NAALADL2: variants seen among roughly 807,000 people sequenced by gnomAD.
NAALADL2 encodes the protein inactive N-acetylated-alpha-linked acidic dipeptidase-like protein 2.
A neutral mutation model predicts 87.2 loss-of-function variants in NAALADL2; 76 were observed. The observed-to-expected ratio is 0.87, with a 90% CI of 0.72 to 1.05. NAALADL2 has a LOEUF of 1.05. NAALADL2 is among the 50% of genes least tolerant of loss of function. The pLI is 0.00. For missense variants in NAALADL2, 1,089 were observed against 945.8 expected (o/e 1.15, Z -1.99); for synonymous variants, 354 against 331.0 (o/e 1.07, Z -0.75).
At chr3:174,628,243 C>T (rs1420752002) in intron 2 of NAALADL2, among the ~76,000 whole-genome samples, 2 of 151,772 alleles carry the variant, frequency 1.3e-5, no homozygotes, top group Admixed American at 6.6e-5. Flanking sequence ...TTTGGGAGAC[C>T]GAGGCGGGCG....
chr3:174,664,592 A>T (rs1422418486), intron 2 of NAALADL2, among the ~76,000 whole-genome samples: 1 of 152,116 alleles, frequency 6.6e-6, no homozygotes, highest in Non-Finnish European at 1.5e-5. Context: ...TAAATACATT[A>T]TGTGTTTTTA....
intron 2 of NAALADL2, among the ~76,000 whole-genome samples, chr3:174,646,019 A>G (rs1012647386): frequency 7.2e-5 from 11 of 152,194 alleles, no homozygotes; most frequent in African/African-American, 2.7e-4. Context: ...GAATCTTAGA[A>G]GCTTTTTCTA....
At chr3:175,736,732 T>C (rs1461664699) in intron 11 of NAALADL2, among the ~76,000 whole-genome samples, 1 of 152,214 alleles carries the variant, frequency 6.6e-6, no homozygotes, top group Non-Finnish European at 1.5e-5. Flanking sequence ...CATTAGGTTA[T>C]GTATTCGTCA....
chr3:175,078,278 G>A (rs1717026894), intron 1 of NAALADL2, among the ~76,000 whole-genome samples: 1 of 152,034 alleles, frequency 6.6e-6, no homozygotes, highest in East Asian at 1.9e-4. Context: ...GCCCGCATTG[G>A]CCTCCCAAAT....
chr3:175,107,507 CACAT>C (rs202172609), intron 2 of NAALADL2, among the ~76,000 whole-genome samples: 18,480 of 145,576 alleles, frequency 0.13, 1,123 homozygotes, highest in Middle Eastern at 0.18. Flanking sequence ...CACGAACACA[CACAT>C]ACACACACAC....
At chr3:175,629,797 G>A (rs897688670) in intron 11 of NAALADL2, among the ~76,000 whole-genome samples, 31 of 151,806 alleles carry the variant, frequency 2.0e-4, no homozygotes, top group African/African-American at 7.0e-4. Context: ...AATACATCCC[G>A]AACATATGCA....
chr3:175,578,627 T>C (rs959700051), intron 10 of NAALADL2, among the ~76,000 whole-genome samples: 11 of 152,190 alleles, frequency 7.2e-5, no homozygotes, highest in Admixed American at 2.0e-4. Flanking sequence ...CTAGTAGCTT[T>C]TCCAAGGTCG....
intron 2 of NAALADL2, among the ~76,000 whole-genome samples, chr3:174,567,666 TA>T (rs1227543288): frequency 2.6e-5 from 4 of 151,690 alleles, no homozygotes; most frequent in African/African-American, 4.8e-5. Context: ...CTTTTAAAAA[TA>T]GATAAGTCGA....
At chr3:175,240,434 T>C (rs747567411) in intron 3 of NAALADL2, among the ~76,000 whole-genome samples, 4 of 152,216 alleles carry the variant, frequency 2.6e-5, no homozygotes, top group Non-Finnish European at 5.9e-5. Flanking sequence ...GGTCTTTCTC[T>C]TTTATTTTGA....
chr3:174,972,450 G>A (rs1209328365), intron 1 of NAALADL2, among the ~76,000 whole-genome samples: 1 of 152,104 alleles, frequency 6.6e-6, no homozygotes, highest in African/African-American at 2.4e-5. Context: ...GCTTACAGAT[G>A]ACCACCTTCT....
chr3:174,831,075 T>A (rs931040824), intron 3 of NAALADL2, among the ~76,000 whole-genome samples: 2 of 151,524 alleles, frequency 1.3e-5, no homozygotes, highest in African/African-American at 4.9e-5. Flanking sequence ...TGACTTCCTC[T>A]TTTCCTAATT....
At chr3:174,605,545 C>T (rs1303631961) in intron 2 of NAALADL2, among the ~76,000 whole-genome samples, 1 of 152,158 alleles carries the variant, frequency 6.6e-6, no homozygotes, top group Non-Finnish European at 1.5e-5. Flanking sequence ...GGTCCTACGC[C>T]CACGGAGTCT....
At chr3:175,180,118 G>A (rs1184115129) in intron 2 of NAALADL2, among the ~76,000 whole-genome samples, 1 of 151,814 alleles carries the variant, frequency 6.6e-6, no homozygotes, top group Non-Finnish European at 1.5e-5. Flanking sequence ...TATTTAGCCT[G>A]TACTTTAACA....
intron 9 of NAALADL2, among the ~76,000 whole-genome samples, chr3:175,518,006 C>T (rs561935011): frequency 2.8e-4 from 43 of 152,204 alleles, no homozygotes; most frequent in African/African-American, 9.6e-4. Flanking sequence ...TTTTGCTGTA[C>T]GCGTGGCTGG....
chr3:175,041,307 A>G (rs1754053030), intron 1 of NAALADL2, among the ~76,000 whole-genome samples: 1 of 152,172 alleles, frequency 6.6e-6, no homozygotes, highest in African/African-American at 2.4e-5. Context: ...ATAATTTACA[A>G]GCTGAGGTGG....
At chr3:174,793,598 T>C (rs1717718357) in intron 3 of NAALADL2, among the ~76,000 whole-genome samples, 1 of 152,062 alleles carries the variant, frequency 6.6e-6, no homozygotes, top group East Asian at 1.9e-4. Context: ...TACTCCCAAA[T>C]CCTTGGCTGT....
chr3:174,627,252 C>T (rs1446600278), intron 2 of NAALADL2, among the ~76,000 whole-genome samples: 3 of 152,016 alleles, frequency 2.0e-5, no homozygotes, highest in Admixed American at 2.0e-4. Context: ...GAAACCTTTA[C>T]TCCTTAAGTC....
At chr3:175,446,796 C>T (rs1383445002) in intron 5 of NAALADL2, among the ~76,000 whole-genome samples, 1 of 152,126 alleles carries the variant, frequency 6.6e-6, no homozygotes, top group Non-Finnish European at 1.5e-5. Flanking sequence ...TTCGGTGGTA[C>T]AAACAGCATT....
At chr3:174,630,895 T>A (rs569032636) in intron 2 of NAALADL2, among the ~76,000 whole-genome samples, 1 of 152,252 alleles carries the variant, frequency 6.6e-6, no homozygotes, top group Admixed American at 6.5e-5. Flanking sequence ...TAATTTCCAG[T>A]TACCCTGGGT....
Sources: gnomAD v4.1 joint callset for allele counts (sites outside exome capture counted in the v4.1 genomes callset) on GRCh38, gnomAD v4.1.1 for gene constraint, MANE v1.5 for transcripts, NCBI Gene and HGNC (gene_info 2026-07-23, HGNC 2026-07-21) for gene names.